The following CYFIP2 variants were observed in gnomAD, a reference collection of about 807,000 sequenced individuals.
CYFIP2 encodes the protein cytoplasmic FMR1-interacting protein 2.
In CYFIP2, 29 loss-of-function variants were observed where a neutral mutation model predicts 158.7. That is an observed-to-expected ratio of 0.18 (90% CI 0.14 to 0.25). The LOEUF (loss-of-function observed/expected upper bound fraction) is 0.25. Among genes scored for constraint, CYFIP2 ranks in the 10% least tolerant of loss-of-function variants. The probability of loss-of-function intolerance (pLI) is 1.00; values close to 1 mark genes in which losing one functional copy is unlikely to be tolerated. For missense variants in CYFIP2, 852 were observed against 1,639.5 expected, an observed-to-expected ratio of 0.52 and a Z score of 8.29; for synonymous variants, 585 against 617.6, an observed-to-expected ratio of 0.95 and a Z score of 0.78.
At chr5:157,378,778 C>A (rs543051597) in intron 26 of CYFIP2, among the ~76,000 whole-genome samples, 1 of 152,286 alleles carries the variant, frequency 6.6e-6, no homozygotes, top group East Asian at 1.9e-4. Flanking sequence ...ATAGCTCATT[C>A]GTTAGTGCTC....
intron 10 of CYFIP2, among the ~76,000 whole-genome samples, 157 bp downstream of exon 10, chr5:157,309,991 C>T (rs1232213710): frequency 6.6e-6 from 1 of 152,070 alleles, no homozygotes; most frequent in Non-Finnish European, 1.5e-5. Context: ...CGCGAGGGTG[C>T]TCTGAGCCCT....
At chr5:157,283,654 C>G (rs537001310) in intron 1 of CYFIP2, among the ~76,000 whole-genome samples, 1 of 152,098 alleles carries the variant, frequency 6.6e-6, no homozygotes, top group African/African-American at 2.4e-5. Flanking sequence ...TGTCATGGTA[C>G]GTGATGGGAA....
chr5:157,274,694 C>T (rs185903212), intron 1 of CYFIP2, among the ~76,000 whole-genome samples: 11 of 152,262 alleles, frequency 7.2e-5, no homozygotes, highest in African/African-American at 2.4e-4. Context: ...CCATTAGCAA[C>T]GGTATTCTCA....
At chr5:157,280,054 A>G (rs144739649) in intron 1 of CYFIP2, among the ~76,000 whole-genome samples, 206 of 152,332 alleles carry the variant, frequency 1.4e-3, no homozygotes, top group African/African-American at 4.5e-3. Flanking sequence ...CCAGGGGAGA[A>G]GAAAGATAGC....
chr5:157,278,958 T>C (rs1297515197), intron 1 of CYFIP2, among the ~76,000 whole-genome samples: 1 of 152,242 alleles, frequency 6.6e-6, no homozygotes, highest in Non-Finnish European at 1.5e-5. Flanking sequence ...TCATTTATTT[T>C]TCTATTGTTG....
At chr5:157,349,514 CAT>C (rs1397896936) in intron 23 of CYFIP2, among the ~76,000 whole-genome samples, 3 of 152,182 alleles carry the variant, frequency 2.0e-5, no homozygotes, top group African/African-American at 7.2e-5. Context: ...TTTATCCACT[CAT>C]TGATTAGTGG....
At chr5:157,345,407 A>G (rs960208799) in intron 23 of CYFIP2, 3 of 152,548 alleles carry the variant, frequency 2.0e-5, no homozygotes, top group African/African-American at 7.2e-5. Flanking sequence ...CGTCTCCCTT[A>G]TTGATTTTTC....
At chr5:157,358,955 GT>G in intron 23 of CYFIP2, 49 bp from the exon 24 acceptor site, 2 of 1,611,554 alleles carry the variant, frequency 1.2e-6, no homozygotes, top group Non-Finnish European at 1.7e-6. Flanking sequence ...GACTCCACCA[GT>G]GTCCATTCAG....
chr5:157,317,369 T>C (rs1267089838), intron 13 of CYFIP2, among the ~76,000 whole-genome samples: 2 of 152,260 alleles, frequency 1.3e-5, no homozygotes, highest in Non-Finnish European at 2.9e-5. Flanking sequence ...TGTTATTCCA[T>C]TCTGAATCCC....
At chr5:157,307,622 G>T in intron 8 of CYFIP2, 139 bp from the exon 9 acceptor site, 1 of 398,064 alleles carries the variant, frequency 2.5e-6, no homozygotes, top group Non-Finnish European at 4.3e-6. Flanking sequence ...ATAATATAAT[G>T]TGTGTCTCTA....
chr5:157,387,265 C>G (rs1766792873), intron 28 of CYFIP2, among the ~76,000 whole-genome samples: 1 of 151,934 alleles, frequency 6.6e-6, no homozygotes. Context: ...TTCCTAACCA[C>G]TAGGCCACCA....
chr5:157,393,083 A>G lies in CYFIP2; in HGVS notation c.*83A>G, dbSNP rs1266706502. ...CACAGCCAGCCTGCCATAGGATCCA[A>G]CTGGACAACGTGTGGGATGGACCTG... On this transcript the variant is annotated 3_prime_UTR_variant, in exon 31 of 31. Transcript: ENST00000620254. The G allele has an allele frequency of 1.4e-5, 21 of 1,523,558 alleles. No homozygotes were observed. The highest frequency in any genetic ancestry group is 2.3e-5 in the East Asian group (1 of 44,040). 94.4% of individuals were successfully genotyped at this position (1,523,558 alleles called of 1,614,324 possible).
Position 157,300,741 on chromosome 5 carries a change from C to A in CYFIP2, c.414C>A (p.Ser138Arg). Reference sequence around the variant, plus strand: ...GCAAGGCCATCGAGCGGTTCTGCAGCGAGGTGAAGCGGCTGTGCCATGCCG... The same window carrying A: ...GCAAGGCCATCGAGCGGTTCTGCAGAGAGGTGAAGCGGCTGTGCCATGCCG... ...FQRKAIERFC[S>R]EVKRLCHAER... Residue 138 changes from serine (S) to arginine (R), a missense_variant, in exon 6 of 31, where the codon AGC (serine) becomes AGA (arginine). Transcript: ENST00000620254. The A allele has an allele frequency of 6.2e-7, 1 of 1,608,240 alleles. No homozygotes were observed. The highest frequency in any genetic ancestry group is 8.5e-7 in the Non-Finnish European group (1 of 1,176,586).
At chr5:157,315,143 A>G (rs780331902) in intron 13 of CYFIP2, 49 bp downstream of exon 13, 1 of 1,607,112 alleles carries the variant, frequency 6.2e-7, no homozygotes, top group Non-Finnish European at 8.5e-7. Flanking sequence ...GCTGCAGCTC[A>G]TGGTGGTTCC....
At chr5:157,392,635 G>A (rs925004125) in intron 30 of CYFIP2, among the ~76,000 whole-genome samples, 198 bp from the exon 31 acceptor site, 27 of 152,120 alleles carry the variant, frequency 1.8e-4, no homozygotes, top group Admixed American at 4.6e-4. Context: ...TCTGTAGATC[G>A]TTTTAAAACT....
intron 15 of CYFIP2, among the ~76,000 whole-genome samples, chr5:157,323,402 C>G (rs1384666204): frequency 6.6e-6 from 1 of 152,170 alleles, no homozygotes; most frequent in Non-Finnish European, 1.5e-5. Flanking sequence ...CTCAGTTCCT[C>G]AGAATGTTAG....
intron 9 of CYFIP2, 133 bp downstream of exon 9, chr5:157,307,998 G>C (rs1759387817): frequency 5.0e-6 from 3 of 603,616 alleles, no homozygotes; most frequent in Non-Finnish European, 8.9e-6. Context: ...AAGATCCCAA[G>C]AGTAGGAAGA....
intron 23 of CYFIP2, among the ~76,000 whole-genome samples, chr5:157,353,990 A>C (rs574836420): frequency 6.6e-6 from 1 of 152,364 alleles, no homozygotes; most frequent in East Asian, 1.9e-4. Flanking sequence ...TACAACATTT[A>C]AACATGGCTA....
chr5:157,291,309 G>A (rs1757800305), intron 3 of CYFIP2, among the ~76,000 whole-genome samples: 1 of 152,234 alleles, frequency 6.6e-6, no homozygotes, highest in African/African-American at 2.4e-5. Flanking sequence ...GTGGGCCCAA[G>A]AAGAGTGAGG....
Sources: allele counts gnomAD v4.1 joint callset (sites outside exome capture counted in the v4.1 genomes callset), GRCh38; gene constraint gnomAD v4.1.1; transcripts MANE v1.5; gene names NCBI Gene and HGNC (gene_info 2026-07-23, HGNC 2026-07-21).